Variants in KITLG observed in about 807,000 individuals in gnomAD.
The protein encoded by KITLG is KIT ligand.
In KITLG, 13 loss-of-function variants were observed where a neutral mutation model predicts 34.1. The observed-to-expected ratio is 0.38, with a 90% CI of 0.25 to 0.61. The LOEUF (loss-of-function observed/expected upper bound fraction) is 0.61, where lower values mean the gene tolerates loss of function less well. Among genes scored for constraint, KITLG ranks in the 20% least tolerant of loss-of-function variants. The pLI is 0.60. For synonymous variants in KITLG, 110 were observed against 104.0 expected (o/e 1.06, Z -0.35); for missense variants, 292 against 318.9 (o/e 0.92, Z 0.64).
At chr12:88,524,944 C>T (rs904753552) in intron 3 of KITLG, among the ~76,000 whole-genome samples, 1 of 152,100 alleles carries the variant, frequency 6.6e-6, no homozygotes, top group African/African-American at 2.4e-5. Context: ...CCTCAGAATC[C>T]ATGCTTACAA....
intron 3 of KITLG, among the ~76,000 whole-genome samples, chr12:88,525,293 C>A (rs1869824765): frequency 6.6e-6 from 1 of 152,150 alleles, no homozygotes; most frequent in African/African-American, 2.4e-5. Flanking sequence ...ACATGCTATT[C>A]TTTAGTGTCC....
At chr12:88,532,564 G>A in intron 2 of KITLG, 61 bp from the exon 3 acceptor site, 1 of 1,143,566 alleles carries the variant, frequency 8.7e-7, no homozygotes, top group South Asian at 1.3e-5. Context: ...AATCATATTT[G>A]TAGTGCTTTG....
At chr12:88,501,204 C>G (rs1868843314) in intron 9 of KITLG, among the ~76,000 whole-genome samples, 1 of 152,086 alleles carries the variant, frequency 6.6e-6, no homozygotes, top group Non-Finnish European at 1.5e-5. Context: ...TAGGTTATTT[C>G]CTTAAGAGAA....
At chr12:88,542,923 CTAGTCA>C (rs2120905405) in intron 2 of KITLG, among the ~76,000 whole-genome samples, 1 of 152,210 alleles carries the variant, frequency 6.6e-6, no homozygotes, top group East Asian at 1.9e-4. Context: ...CAGATGATAA[CTAGTCA>C]TAATAGGAAT....
At position 88,496,893 on chromosome 12, in the gene KITLG, T is replaced by A. The variant is rs1868660107; in HGVS notation, c.*326A>T. ...GACATTTCTGGAGCCATGCAAATGG[T>A]ACATGCAGTCTGAGACACGTGCTTT... On this transcript the variant is annotated 3_prime_UTR_variant, in exon 10 of 10. Coordinates refer to ENST00000644744, the MANE Select transcript of KITLG (RefSeq NM_000899.5). 6.1e-6 allele frequency: 1 copy of A among 162,736 alleles called. No homozygotes were observed. Among genetic ancestry groups the A allele is most frequent in the Admixed American group, 6.5e-5 (1 of 15,468 alleles). The allele number at this position is 162,736 out of a possible 1,614,324, so 10.1% of individuals were successfully genotyped here.
intron 8 of KITLG, among the ~76,000 whole-genome samples, chr12:88,505,680 AAAC>A (rs1224207103): frequency 3.3e-5 from 5 of 152,206 alleles, no homozygotes; most frequent in Non-Finnish European, 4.4e-5. Flanking sequence ...GCTTTAGAGA[AAAC>A]AACGAGTATG....
At chr12:88,568,660 A>T (rs368008339) in intron 1 of KITLG, among the ~76,000 whole-genome samples, 2 of 152,326 alleles carry the variant, frequency 1.3e-5, no homozygotes, top group South Asian at 2.1e-4. Context: ...CCAATGAGCC[A>T]AACACTTTGA....
intron 1 of KITLG, among the ~76,000 whole-genome samples, chr12:88,562,739 C>T (rs1049824376): frequency 6.6e-6 from 1 of 152,100 alleles, no homozygotes; most frequent in African/African-American, 2.4e-5. Context: ...GGCTATAAAA[C>T]CATGAGTAGA....
At chr12:88,530,801 T>C (rs992436075) in intron 3 of KITLG, among the ~76,000 whole-genome samples, 1 of 152,196 alleles carries the variant, frequency 6.6e-6, no homozygotes, top group African/African-American at 2.4e-5. Context: ...AGGTAGTTCA[T>C]GCTAAAATGC....
chr12:88,524,285 A>G (rs780994411), intron 3 of KITLG, among the ~76,000 whole-genome samples: 1 of 152,244 alleles, frequency 6.6e-6, no homozygotes, highest in African/African-American at 2.4e-5. Context: ...TGAAAAGTCA[A>G]TAATATCACC....
chr12:88,498,711 C>T (rs903262086), intron 9 of KITLG, among the ~76,000 whole-genome samples: 2 of 152,078 alleles, frequency 1.3e-5, no homozygotes, highest in Non-Finnish European at 2.9e-5. Flanking sequence ...CCTGTCTCTA[C>T]TAAAAATACA....
At chr12:88,559,087 T>A (rs1311085634) in intron 1 of KITLG, among the ~76,000 whole-genome samples, 3 of 152,078 alleles carry the variant, frequency 2.0e-5, no homozygotes, top group Non-Finnish European at 2.9e-5. Context: ...ACAAAAAAGA[T>A]AAGAAAAGTT....
intron 1 of KITLG, among the ~76,000 whole-genome samples, chr12:88,556,893 A>G (rs1871114679): frequency 6.6e-6 from 1 of 152,238 alleles, no homozygotes; most frequent in Non-Finnish European, 1.5e-5. Context: ...AAAGATGTCA[A>G]TATGATGTTT....
chr12:88,520,824 A>G (rs1015591239), intron 3 of KITLG, among the ~76,000 whole-genome samples: 7 of 152,060 alleles, frequency 4.6e-5, no homozygotes, highest in African/African-American at 1.7e-4. Context: ...TCTAGTTCCT[A>G]TTTAGCTATT....
rs544108903 is a variant in KITLG at position 88,550,138 on chromosome 12, T to C, written c.16-4273A>G. ...TGAGATTAACCAGAAACAGTGAGTA[T>C]GAACAGCTGTTTTGAAGAGTTTTCC... On this transcript the variant is annotated intron_variant, in intron 1 of 9. Transcript: ENST00000644744. Among the ~76,000 whole-genome samples, 5 of 152,312 alleles carry C rather than the reference T, an allele frequency of 3.3e-5. No individual in the cohort carries two copies. In the South Asian group the frequency reaches 1.0e-3, roughly 32 times the overall value.
rs1869558677 is a variant in KITLG at position 88,518,932 on chromosome 12, T to C, written c.193-65A>G. ...TAAGTAAGTGCCATAAAACTCGGAG[T>C]ACTCTTCAAAGCTATCGTTTTAGTT... On this transcript the variant is annotated intron_variant, in intron 3 of 9. Transcript: ENST00000644744. 5 of 1,409,682 alleles carry C rather than the reference T, an allele frequency of 3.5e-6. No individual in the cohort carries two copies. In the South Asian group the frequency reaches 6.0e-5, roughly 17 times the overall value. The allele number at this position is 1,409,682 out of a possible 1,614,324, so 87.3% of individuals were successfully genotyped here.
rs535946779 is a variant in KITLG, at chr12:88,569,749, T to C, written c.15+10515A>G. Among the ~76,000 whole-genome samples, 9 of 152,306 alleles carry C rather than the reference T, an allele frequency of 5.9e-5. No individual in the cohort carries two copies. The South Asian group carries it at 8.3e-4, about 14-fold the overall frequency. ...GTTCTGTTGTCTCCTTTACCTGTGTTGAGATGATGCCAGGACTTTTTAGCC... is the reference window on the plus strand; with the variant it reads ...GTTCTGTTGTCTCCTTTACCTGTGTCGAGATGATGCCAGGACTTTTTAGCC... On this transcript the variant is annotated intron_variant, in intron 1 of 9. Coordinates refer to ENST00000644744, the MANE Select transcript of KITLG (RefSeq NM_000899.5).
At chr12:88,505,850 A>G (rs1869037657) in intron 8 of KITLG, among the ~76,000 whole-genome samples, 1 of 152,216 alleles carries the variant, frequency 6.6e-6, no homozygotes, top group South Asian at 2.1e-4. Context: ...AGGGCTAAAG[A>G]AAAGATCAGT....
At chr12:88,533,873 TGG>T (rs1870202203) in intron 2 of KITLG, among the ~76,000 whole-genome samples, 2 of 152,228 alleles carry the variant, frequency 1.3e-5, no homozygotes, top group South Asian at 4.1e-4. Flanking sequence ...AGTAGTCACA[TGG>T]GAGCTAAGAT....
Sources: gnomAD v4.1 joint callset for allele counts (sites outside exome capture counted in the v4.1 genomes callset) on GRCh38, gnomAD v4.1.1 for gene constraint, MANE v1.5 for transcripts, NCBI Gene and HGNC (gene_info 2026-07-23, HGNC 2026-07-21) for gene names.